The following DDAH1 variants were observed in gnomAD, a reference collection of about 807,000 sequenced individuals.
The protein encoded by DDAH1 is dimethylarginine dimethylaminohydrolase 1, also known as N(G),N(G)-dimethylarginine dimethylaminohydrolase 1.
DDAH1 carries 19 observed loss-of-function variants against 28.8 expected under a neutral mutation model. The ratio of observed to expected loss-of-function variants is 0.66; its 90% CI spans 0.46 to 0.97. The LOEUF (loss-of-function observed/expected upper bound fraction) is 0.97, where lower values mean the gene tolerates loss of function less well. Among genes scored for constraint, DDAH1 ranks in the 50% least tolerant of loss-of-function variants. The pLI is 0.00. For synonymous variants in DDAH1, 153 were observed against 154.4 expected, an observed-to-expected ratio of 0.99 and a Z score of 0.07; for missense variants, 326 against 375.9, an observed-to-expected ratio of 0.87 and a Z score of 1.10.
chr1:85,408,040 A>G (rs1652488064), intron 1 of DDAH1, among the ~76,000 whole-genome samples: 1 of 152,148 alleles, frequency 6.6e-6, no homozygotes, highest in Non-Finnish European at 1.5e-5. Flanking sequence ...TTACAAATGG[A>G]TATTCTAGTT....
chr1:85,324,271 A>AT (rs1570369260), intron 5 of DDAH1, among the ~76,000 whole-genome samples: 1 of 123,566 alleles, frequency 8.1e-6, no homozygotes, highest in African/African-American at 3.0e-5. Flanking sequence ...CCCTGTCTCA[A>AT]AAATAATAAT....
At chr1:85,550,748 A>ACAC (rs1557752737) in intron 1 of DDAH1, among the ~76,000 whole-genome samples, 29 of 150,700 alleles carry the variant, frequency 1.9e-4, no homozygotes, top group African/African-American at 6.8e-4. Flanking sequence ...AATAATAAAA[A>ACAC]ACACACACAC....
chr1:85,367,399 T>C (rs1220644958), intron 1 of DDAH1, among the ~76,000 whole-genome samples: 1 of 152,120 alleles, frequency 6.6e-6, no homozygotes, highest in Admixed American at 6.6e-5. Flanking sequence ...AGGATTTGAG[T>C]AGATGGGCTT....
At chr1:85,576,160 C>A (rs1011379790) in intron 1 of DDAH1, among the ~76,000 whole-genome samples, 3 of 151,648 alleles carry the variant, frequency 2.0e-5, no homozygotes, top group Non-Finnish European at 4.4e-5. Flanking sequence ...TTAAACAAAT[C>A]AATATATAGA....
chr1:85,476,641 C>G (rs897864383), intron 2 of DDAH1, among the ~76,000 whole-genome samples: 1 of 152,074 alleles, frequency 6.6e-6, no homozygotes, highest in Non-Finnish European at 1.5e-5. Flanking sequence ...AGGGGCTATG[C>G]ACATAGCTAG....
intron 2 of DDAH1, among the ~76,000 whole-genome samples, chr1:85,472,398 T>C (rs1438008142): frequency 2.6e-5 from 4 of 152,244 alleles, no homozygotes; most frequent in African/African-American, 9.6e-5. Flanking sequence ...CCTGTGTCTT[T>C]GGGTCTTCAT....
intron 5 of DDAH1, among the ~76,000 whole-genome samples, chr1:85,323,255 A>G (rs2100783771): frequency 6.6e-6 from 1 of 152,376 alleles, no homozygotes; most frequent in South Asian, 2.1e-4. Flanking sequence ...AAAAAAGATC[A>G]ATGATTACTA....
chr1:85,404,234 A>G, intron 1 of DDAH1: 1 of 611,498 alleles, frequency 1.6e-6, no homozygotes, highest in Non-Finnish European at 2.6e-6. Flanking sequence ...GCATTTAATG[A>G]CCTCCATTTC....
chr1:85,537,209 GT>G (rs1658318062), intron 1 of DDAH1, among the ~76,000 whole-genome samples: 5 of 151,376 alleles, frequency 3.3e-5, no homozygotes, highest in Admixed American at 2.6e-4. Context: ...TGACATGCAC[GT>G]GTAGTCCCAG....
intron 1 of DDAH1, among the ~76,000 whole-genome samples, chr1:85,511,407 T>C (rs1240761): frequency 0.056 from 8,566 of 152,222 alleles, 340 homozygotes; most frequent in South Asian, 0.11. Context: ...AAGAAAGATC[T>C]AAAATCGACA....
intron 1 of DDAH1, among the ~76,000 whole-genome samples, chr1:85,437,590 A>G (rs77099733): frequency 0.039 from 5,980 of 152,280 alleles, 405 homozygotes; most frequent in African/African-American, 0.14. Context: ...ATTAAAATAG[A>G]TAAGACATAC....
At chr1:85,573,310 T>C (rs1659511629) in intron 1 of DDAH1, among the ~76,000 whole-genome samples, 1 of 152,240 alleles carries the variant, frequency 6.6e-6, no homozygotes, top group Non-Finnish European at 1.5e-5. Flanking sequence ...CGTGTGATGT[T>C]AGTGGTTGGT....
Position 85,350,492 on chromosome 1 carries a change from A to G in DDAH1, c.520T>C (p.Leu174=). ...CCAGCCATGCTGCAGAAACTCTTCA[A>G]ATGCAACCCATCTGCCACTGGCACT... is the stretch of plus-strand genomic sequence containing the variant. ...STVPVADGLH[L]KSFCSMAGPN... Residue 174 remains leucine, a synonymous_variant, in exon 4 of 6, where the codon TTG becomes CTG. Transcript: ENST00000284031. The G allele has an allele frequency of 1.9e-6, 3 of 1,614,158 alleles. No homozygotes were observed. The highest frequency in any genetic ancestry group is 1.1e-5 in the South Asian group (1 of 91,086).
intron 1 of DDAH1, among the ~76,000 whole-genome samples, chr1:85,513,104 T>G (rs917767086): frequency 2.6e-5 from 4 of 152,066 alleles, no homozygotes; most frequent in Non-Finnish European, 4.4e-5. Context: ...CAAACTATAC[T>G]ACAAGGCTAC....
intron 1 of DDAH1, among the ~76,000 whole-genome samples, chr1:85,414,517 C>G (rs2100602047): frequency 6.6e-6 from 1 of 152,316 alleles, no homozygotes; most frequent in South Asian, 2.1e-4. Context: ...ATCTTTGCAA[C>G]ACACACAATC....
intron 1 of DDAH1, among the ~76,000 whole-genome samples, chr1:85,381,719 G>GT (rs35392469): frequency 1.9e-3 from 275 of 147,906 alleles, no homozygotes; most frequent in East Asian, 5.3e-3. Flanking sequence ...TGCAGATACT[G>GT]TTTTTTTTTT....
chr1:85,457,738 G>A lies in DDAH1; in HGVS notation c.303+7005C>T, dbSNP rs531775207. Among the ~76,000 whole-genome samples, 40 of 152,356 alleles carry A rather than the reference G, an allele frequency of 2.6e-4. No individual in the cohort carries two copies. The South Asian group carries it at 4.1e-3, about 16-fold the overall frequency. On this transcript the variant is annotated intron_variant, in intron 1 of 5. Coordinates refer to ENST00000284031, the MANE Select transcript of DDAH1 (RefSeq NM_012137.4). ...GAGTTTCGCTCTTGTTGCCCAGGCC[G>A]GAGTGCTGTGGCGTGATCTTGGCTC...
chr1:85,505,909 T>C (rs1022586115), intron 1 of DDAH1, among the ~76,000 whole-genome samples: 1 of 152,236 alleles, frequency 6.6e-6, no homozygotes, highest in African/African-American at 2.4e-5. Context: ...AGAAGCCATG[T>C]CCTAAATTCT....
intron 2 of DDAH1, among the ~76,000 whole-genome samples, chr1:85,472,753 G>GTGCGGGTT (rs1655661172): frequency 6.6e-6 from 1 of 151,984 alleles, no homozygotes. Context: ...GCGGGTACAT[G>GTGCGGGTT]TGCGGGTTTG....
Sources: allele counts gnomAD v4.1 joint callset (sites outside exome capture counted in the v4.1 genomes callset), GRCh38; gene constraint gnomAD v4.1.1; transcripts MANE v1.5; gene names NCBI Gene and HGNC (gene_info 2026-07-23, HGNC 2026-07-21).